SRGAP3: variants seen among roughly 807,000 people sequenced by gnomAD.
The protein encoded by SRGAP3 is SLIT-ROBO Rho GTPase-activating protein 3.
Under a neutral mutation model 121.1 loss-of-function variants are expected in SRGAP3, and 39 were observed. That is an observed-to-expected ratio of 0.32 (90% CI 0.25 to 0.42). The LOEUF (loss-of-function observed/expected upper bound fraction) is 0.42. Among genes scored for constraint, SRGAP3 ranks in the 10% least tolerant of loss-of-function variants. The probability of loss-of-function intolerance (pLI) is 1.00; values close to 1 mark genes in which losing one functional copy is unlikely to be tolerated. For synonymous variants in SRGAP3, 601 were observed against 570.0 expected (o/e 1.05, Z -0.77); for missense variants, 1,213 against 1,470.6 (o/e 0.82, Z 2.86).
intron 3 of SRGAP3, among the ~76,000 whole-genome samples, chr3:9,286,751 C>T (rs967359426): frequency 2.7e-5 from 4 of 149,166 alleles, no homozygotes; most frequent in African/African-American, 9.7e-5. Flanking sequence ...TACAGGCGCC[C>T]GCCACCACAC....
chr3:9,231,038 T>C (rs1290860036), intron 1 of SRGAP3, among the ~76,000 whole-genome samples: 27 of 152,236 alleles, frequency 1.8e-4, no homozygotes, highest in Non-Finnish European at 7.4e-5. Context: ...ATCAGGGTCT[T>C]GGAGGTACCA....
chr3:9,329,579 C>T (rs527895751), intron 2 of SRGAP3, among the ~76,000 whole-genome samples: 1 of 152,000 alleles, frequency 6.6e-6, no homozygotes. Flanking sequence ...AGATGGTCAC[C>T]CTGAATAACA....
intron 1 of SRGAP3, chr3:9,349,187 A>T (rs2029926999): frequency 1.4e-6 from 1 of 710,120 alleles, no homozygotes; most frequent in Admixed American, 1.8e-5. Context: ...TAAGGCCAAG[A>T]AGTAAAGGCC....
intron 1 of SRGAP3, among the ~76,000 whole-genome samples, chr3:9,346,457 C>T (rs985218032): frequency 7.9e-5 from 12 of 152,012 alleles, no homozygotes; most frequent in Non-Finnish European, 1.6e-4. Context: ...TATGATGTTG[C>T]CATTTTTGGT....
At chr3:9,034,211 T>A (rs1305459871) in intron 11 of SRGAP3, 1 of 152,206 alleles carries the variant, frequency 6.6e-6, no homozygotes, top group African/African-American at 2.4e-5. Flanking sequence ...GGCAAAGGCC[T>A]TTTGAAGGTT....
intron 4 of SRGAP3, among the ~76,000 whole-genome samples, chr3:9,066,742 T>C (rs1946452207): frequency 6.6e-6 from 1 of 152,204 alleles, no homozygotes; most frequent in Admixed American, 6.5e-5. Flanking sequence ...CAGGTGATCC[T>C]CCCGCCTTGA....
intron 1 of SRGAP3, among the ~76,000 whole-genome samples, chr3:9,238,778 C>T (rs1953513920): frequency 6.6e-6 from 1 of 152,132 alleles, no homozygotes; most frequent in Non-Finnish European, 1.5e-5. Flanking sequence ...GGCAAATATC[C>T]AGGGTCCCTC....
chr3:9,086,723 TATA>T (rs201091792), intron 3 of SRGAP3, among the ~76,000 whole-genome samples: 37 of 76,264 alleles, frequency 4.9e-4, no homozygotes, highest in East Asian at 2.1e-3. Context: ...CACATATACA[TATA>T]ATATGTATTT....
chr3:8,998,544 G>GTA (rs1285232072), intron 18 of SRGAP3, among the ~76,000 whole-genome samples: 4 of 48,064 alleles, frequency 8.3e-5, no homozygotes, highest in Admixed American at 7.1e-4. Flanking sequence ...GGGTGTGTGT[G>GTA]TATATATATA....
intron 2 of SRGAP3, among the ~76,000 whole-genome samples, chr3:9,112,345 T>C (rs1415582383): frequency 2.0e-5 from 3 of 152,220 alleles, no homozygotes; most frequent in African/African-American, 7.2e-5. Flanking sequence ...TTTAACCTCC[T>C]GCTACCTAAG....
intron 1 of SRGAP3, among the ~76,000 whole-genome samples, chr3:9,137,279 A>G (rs567377880): frequency 6.6e-6 from 1 of 152,156 alleles, no homozygotes; most frequent in Non-Finnish European, 1.5e-5. Flanking sequence ...AGGGTAGTAA[A>G]GGCCAGGCTT....
chr3:9,181,131 T>C (rs1277448030), intron 1 of SRGAP3, among the ~76,000 whole-genome samples: 1 of 152,154 alleles, frequency 6.6e-6, no homozygotes, highest in Non-Finnish European at 1.5e-5. Context: ...AAGCATAATA[T>C]ACCTATACTT....
At chr3:9,152,417 G>A (rs1299352627) in intron 1 of SRGAP3, among the ~76,000 whole-genome samples, 2 of 152,136 alleles carry the variant, frequency 1.3e-5, no homozygotes, top group East Asian at 3.9e-4. Flanking sequence ...CTCTCTCTCT[G>A]TCTCTCTAAC....
intron 21 of SRGAP3, among the ~76,000 whole-genome samples, chr3:8,986,669 G>A (rs894053663): frequency 1.3e-5 from 2 of 152,182 alleles, no homozygotes; most frequent in East Asian, 3.8e-4. Context: ...GTATCAGAAT[G>A]TTCACAGCGC....
At chr3:9,014,825 G>C (rs1040304558) in intron 15 of SRGAP3, 1 of 151,990 alleles carries the variant, frequency 6.6e-6, no homozygotes. Flanking sequence ...AATGAAACTG[G>C]GTATGGGGCA....
At chr3:9,222,211 A>C (rs1462267569) in intron 1 of SRGAP3, among the ~76,000 whole-genome samples, 1 of 152,250 alleles carries the variant, frequency 6.6e-6, no homozygotes, top group Non-Finnish European at 1.5e-5. Context: ...TGAAACACAC[A>C]GCTGGGAGCA....
rs117832395 is a variant in SRGAP3, at chr3:9,170,676, T to C, written c.68-45759A>G. Among the ~76,000 whole-genome samples the C allele has an allele frequency of 1.1e-3, 172 of 152,348 alleles. 2 individuals are homozygous for C. In the East Asian group the frequency reaches 0.028, roughly 25 times the overall value. ...AATACTCCCAGCATACCCTTTCCTCTGCACCTTCGCCCAGCGAGGCAGATG... is the reference window on the plus strand; with the variant it reads ...AATACTCCCAGCATACCCTTTCCTCCGCACCTTCGCCCAGCGAGGCAGATG... On this transcript the variant is annotated intron_variant, in intron 1 of 21. Transcript: ENST00000383836.
chr3:9,290,967 T>C (rs535114032), intron 3 of SRGAP3, among the ~76,000 whole-genome samples: 2 of 152,288 alleles, frequency 1.3e-5, no homozygotes, highest in East Asian at 3.9e-4. Flanking sequence ...TGTACGTGTG[T>C]TCTGGGCTAA....
intron 4 of SRGAP3, among the ~76,000 whole-genome samples, chr3:9,065,850 T>C (rs1007920512): frequency 1.3e-5 from 2 of 152,198 alleles, no homozygotes; most frequent in East Asian, 1.9e-4. Context: ...CTTAGGTAAA[T>C]ACCCAGGCGT....
Sources: gnomAD v4.1 joint callset for allele counts (sites outside exome capture counted in the v4.1 genomes callset) on GRCh38, gnomAD v4.1.1 for gene constraint, MANE v1.5 for transcripts, NCBI Gene and HGNC (gene_info 2026-07-23, HGNC 2026-07-21) for gene names.